The following MYT1L variants were observed in gnomAD, a reference collection of about 807,000 sequenced individuals.
MYT1L encodes the protein myelin transcription factor 1 like, also known as myelin transcription factor 1-like protein.
In MYT1L, 12 loss-of-function variants were observed where a neutral mutation model predicts 126.7. The ratio of observed to expected loss-of-function variants is 0.09; its 90% CI spans 0.06 to 0.15. MYT1L has a LOEUF of 0.15. MYT1L is among the 10% of genes least tolerant of loss of function. The pLI is 1.00. For missense variants in MYT1L, 979 were observed against 1,585.2 expected, an observed-to-expected ratio of 0.62 and a Z score of 6.49; for synonymous variants, 541 against 604.2, an observed-to-expected ratio of 0.90 and a Z score of 1.53.
intron 4 of MYT1L, among the ~76,000 whole-genome samples, chr2:2,030,711 C>T (rs1342810216): frequency 1.3e-5 from 2 of 152,112 alleles, no homozygotes; most frequent in African/African-American, 4.8e-5. Context: ...TTTCCTGAGA[C>T]CAAATTTGTT....
chr2:1,865,150 C>T (rs1456141048), intron 18 of MYT1L, among the ~76,000 whole-genome samples: 2 of 152,146 alleles, frequency 1.3e-5, no homozygotes, highest in Non-Finnish European at 2.9e-5. Flanking sequence ...AGTCCCTGGG[C>T]GTCTGTGTGG....
intron 3 of MYT1L, among the ~76,000 whole-genome samples, chr2:2,095,477 C>A (rs1282852739): frequency 6.6e-6 from 1 of 152,190 alleles, no homozygotes; most frequent in Non-Finnish European, 1.5e-5. Context: ...TCCGACAAGA[C>A]CCTGCTTGGG....
intron 1 of MYT1L, among the ~76,000 whole-genome samples, chr2:2,327,614 A>G (rs1217319505): frequency 6.6e-6 from 1 of 152,204 alleles, no homozygotes; most frequent in Non-Finnish European, 1.5e-5. Context: ...TCTACCATTC[A>G]TTTGCCTCCT....
At chr2:2,067,542 A>G (rs2074030265) in intron 3 of MYT1L, among the ~76,000 whole-genome samples, 1 of 152,222 alleles carries the variant, frequency 6.6e-6, no homozygotes, top group African/African-American at 2.4e-5. Flanking sequence ...CCTGGATAAC[A>G]TAACAAGATC....
intron 8 of MYT1L, among the ~76,000 whole-genome samples, chr2:1,964,409 G>A (rs948928944): frequency 1.3e-5 from 2 of 152,128 alleles, no homozygotes; most frequent in African/African-American, 4.8e-5. Flanking sequence ...TTAGAAAAAC[G>A]GCATTGATGG....
chr2:2,097,812 C>A (rs1448885166), intron 3 of MYT1L, among the ~76,000 whole-genome samples: 1 of 152,136 alleles, frequency 6.6e-6, no homozygotes, highest in Non-Finnish European at 1.5e-5. Context: ...TCCTCCACAT[C>A]TCATGTTTAA....
intron 1 of MYT1L, among the ~76,000 whole-genome samples, chr2:2,294,856 A>G (rs1230445766): frequency 1.3e-5 from 2 of 152,242 alleles, no homozygotes; most frequent in African/African-American, 2.4e-5. Flanking sequence ...ACTACATTAT[A>G]TTATACAATA....
In MYT1L at chr2:1,979,136, C is replaced by A. The variant is rs1217246027; in HGVS notation, c.152+29G>T. The A allele has an allele frequency of 6.3e-7, 1 of 1,587,498 alleles. No individual in the cohort carries two copies. Among genetic ancestry groups the A allele is most frequent in the South Asian group, 1.1e-5 (1 of 88,952 alleles). ...CCCAAATAAGTCACTTTAGACAGCACATTGTGGAAAAAAAAATGCAGGCAT... is the reference window on the plus strand; with the variant it reads ...CCCAAATAAGTCACTTTAGACAGCAAATTGTGGAAAAAAAAATGCAGGCAT... On this transcript the variant is annotated intron_variant, in intron 8 of 24. Coordinates refer to ENST00000647738, the MANE Select transcript of MYT1L (RefSeq NM_001303052.2). The surrounding 1 kb of genome is among the most constrained non-coding windows in gnomAD (Gnocchi z 4.0).
intron 1 of MYT1L, chr2:2,303,896 C>T (rs1342589977): frequency 2.6e-5 from 4 of 152,212 alleles, no homozygotes; most frequent in Non-Finnish European, 5.9e-5. Flanking sequence ...TGAAAAACAT[C>T]GAGCAACACG....
intron 4 of MYT1L, among the ~76,000 whole-genome samples, chr2:2,039,593 G>A (rs139680495): frequency 6.0e-4 from 91 of 152,254 alleles, no homozygotes; most frequent in Middle Eastern, 3.4e-3. Context: ...CATGATAGAC[G>A]ATAAAGAATG....
rs1301331587 is a variant in MYT1L, at chr2:1,875,786, T to G, written c.2711+10753A>C. Among the ~76,000 whole-genome samples, 13 of 152,330 alleles carry G rather than the reference T, an allele frequency of 8.5e-5. No individual in the cohort carries two copies. The East Asian group carries it at 2.5e-3, about 29-fold the overall frequency. On this transcript the variant is annotated intron_variant, in intron 18 of 24. Coordinates refer to ENST00000647738, the MANE Select transcript of MYT1L (RefSeq NM_001303052.2). The stretch of plus-strand genomic sequence containing the variant: ...TTTCTTGACCTAGTGATGCCACACC[T>G]AAGCCTCGGCCTGCTTTGTTCAAGG...
chr2:2,165,205 T>C (rs190144003), intron 3 of MYT1L, among the ~76,000 whole-genome samples: 1 of 152,322 alleles, frequency 6.6e-6, no homozygotes, highest in Admixed American at 6.5e-5. Flanking sequence ...TTAAAGTATG[T>C]CTGTAAGGAA....
chr2:2,070,621 G>C (rs1171571609), intron 3 of MYT1L, among the ~76,000 whole-genome samples: 1 of 152,188 alleles, frequency 6.6e-6, no homozygotes, highest in Admixed American at 6.5e-5. Context: ...TGTTTATTGT[G>C]TCACGTACAC....
chr2:1,810,537 G>T (rs546336235), intron 21 of MYT1L, among the ~76,000 whole-genome samples: 2 of 152,160 alleles, frequency 1.3e-5, no homozygotes, highest in African/African-American at 2.4e-5. Flanking sequence ...GACCGTGTCC[G>T]TAAGTGGTGT....
rs1179168783 is a variant in MYT1L at position 1,806,601 on chromosome 2, G to A, written c.3172+2475C>T. Among the ~76,000 whole-genome samples, 1 of 152,138 alleles carries A rather than the reference G, an allele frequency of 6.6e-6. No individual in the cohort carries two copies. The highest frequency in any genetic ancestry group is 1.5e-5 in the Non-Finnish European group (1 of 68,034). ...GTTTTTGTGAATTAACTCCTTGTGT[G>A]CAGCAGTAATAGGAATGTCTAGTGC... On this transcript the variant is annotated intron_variant, in intron 22 of 24. Transcript: ENST00000647738. This position sits in a 1 kb window ranked among gnomAD's most constrained non-coding sequence, Gnocchi z 4.9.
At chr2:2,291,305 T>C (rs139293598) in intron 1 of MYT1L, among the ~76,000 whole-genome samples, 1 of 152,340 alleles carries the variant, frequency 6.6e-6, no homozygotes, top group Non-Finnish European at 1.5e-5. Flanking sequence ...TAAATCTCTT[T>C]ATGATATAAA....
chr2:1,976,428 G>A (rs937945594), intron 8 of MYT1L, among the ~76,000 whole-genome samples: 1 of 152,232 alleles, frequency 6.6e-6, no homozygotes, highest in Non-Finnish European at 1.5e-5. Context: ...GATCACCGGA[G>A]ATCAGGAGTT....
intron 21 of MYT1L, among the ~76,000 whole-genome samples, chr2:1,835,188 T>C (rs2040721199): frequency 6.6e-6 from 1 of 152,206 alleles, no homozygotes; most frequent in African/African-American, 2.4e-5. Flanking sequence ...AAGTTGAAAA[T>C]ACCATATCTT....
At chr2:2,101,556 T>C (rs2078090551) in intron 3 of MYT1L, among the ~76,000 whole-genome samples, 1 of 151,430 alleles carries the variant, frequency 6.6e-6, no homozygotes, top group Non-Finnish European at 1.5e-5. Context: ...CATCAACCCA[T>C]CCATCCATCA....
Sources: allele counts gnomAD v4.1 joint callset (sites outside exome capture counted in the v4.1 genomes callset), GRCh38; gene constraint gnomAD v4.1.1; non-coding constraint Gnocchi (gnomAD v3.1); transcripts MANE v1.5; gene names NCBI Gene and HGNC (gene_info 2026-07-23, HGNC 2026-07-21).